DLST: variants seen among roughly 807,000 people sequenced by gnomAD.
DLST encodes the protein dihydrolipoyllysine-residue succinyltransferase component of 2-oxoglutarate dehydrogenase complex, mitochondrial.
DLST carries 17 observed loss-of-function variants against 53.1 expected under a neutral mutation model. The observed-to-expected ratio is 0.32, with a 90% confidence interval of 0.22 to 0.48. The LOEUF is 0.48. Ranked by LOEUF, DLST falls within the 20% of genes least tolerant of loss-of-function variation. DLST has a pLI of 0.99. For synonymous variants in DLST, 206 were observed against 204.8 expected, an observed-to-expected ratio of 1.01 and a Z score of -0.05; for missense variants, 512 against 583.9, an observed-to-expected ratio of 0.88 and a Z score of 1.27.
At chr14:74,896,664 A>T (rs977413528) in intron 10 of DLST, among the ~76,000 whole-genome samples, 1 of 152,194 alleles carries the variant, frequency 6.6e-6, no homozygotes, top group Non-Finnish European at 1.5e-5. Flanking sequence ...TGTTCATAGG[A>T]TGTAGGGGAA....
chr14:74,900,427 A>T, intron 13 of DLST, 55 bp downstream of exon 13: 1 of 1,528,376 alleles, frequency 6.5e-7, no homozygotes, highest in Non-Finnish European at 9.1e-7. Flanking sequence ...GAGAGCCTTC[A>T]GAAGGCTGGG....
chr14:74,899,787 C>T, intron 11 of DLST, 136 bp from the exon 12 acceptor site: 1 of 638,534 alleles, frequency 1.6e-6, no homozygotes, highest in Non-Finnish European at 2.8e-6. Context: ...ATGCATAATG[C>T]AGTGGTGTTC....
chr14:74,899,901 AC>A (rs1479913419), intron 11 of DLST, 21 bp from the exon 12 acceptor site: 8 of 1,591,176 alleles, frequency 5.0e-6, no homozygotes, highest in Non-Finnish European at 6.0e-6. Context: ...GTTGTATGTA[AC>A]ATGTATTTTC....
At chr14:74,890,500 G>T (rs965926182) in intron 6 of DLST, among the ~76,000 whole-genome samples, 1 of 152,134 alleles carries the variant, frequency 6.6e-6, no homozygotes, top group African/African-American at 2.4e-5. Context: ...TGGTGAGGGG[G>T]TGGGGAGGGT....
At chr14:74,893,302 G>A (rs1194255742) in intron 8 of DLST, 46 bp from the exon 9 acceptor site, 3 of 1,608,048 alleles carry the variant, frequency 1.9e-6, no homozygotes, top group South Asian at 1.1e-5. Flanking sequence ...CTCAGCAGAT[G>A]TTTCTTTCCT....
intron 11 of DLST, among the ~76,000 whole-genome samples, chr14:74,898,888 C>G (rs534950902): frequency 6.6e-6 from 1 of 152,334 alleles, no homozygotes; most frequent in Non-Finnish European, 1.5e-5. Context: ...CCTGGCTGAC[C>G]TTTGATCTTA....
At chr14:74,899,238 T>G (rs1240745384) in intron 11 of DLST, among the ~76,000 whole-genome samples, 1 of 151,992 alleles carries the variant, frequency 6.6e-6, no homozygotes, top group African/African-American at 2.4e-5. Context: ...TCTCATCTTT[T>G]TCAGTGGCCC....
intron 2 of DLST, among the ~76,000 whole-genome samples, chr14:74,884,759 T>G (rs1040447724): frequency 6.6e-6 from 1 of 152,178 alleles, no homozygotes; most frequent in Non-Finnish European, 1.5e-5. Flanking sequence ...CTTACCTATC[T>G]TGGGATGCTT....
At chr14:74,902,093 G>A in intron 14 of DLST, 103 bp from the exon 15 acceptor site, 1 of 1,255,126 alleles carries the variant, frequency 8.0e-7, no homozygotes, top group Non-Finnish European at 1.1e-6. Flanking sequence ...CAATAGGAAA[G>A]GCTCTGGAAT....
At chr14:74,897,440 CA>C (rs1181556448) in intron 10 of DLST, among the ~76,000 whole-genome samples, 2 of 152,090 alleles carry the variant, frequency 1.3e-5, no homozygotes, top group Non-Finnish European at 2.9e-5. Flanking sequence ...GTTTATGCAG[CA>C]AAGTGATGGG....
intron 2 of DLST, among the ~76,000 whole-genome samples, chr14:74,884,916 A>G (rs1268411523): frequency 6.6e-6 from 1 of 152,214 alleles, no homozygotes; most frequent in Non-Finnish European, 1.5e-5. Context: ...AGTTGGGGAA[A>G]TGCAGTTAAC....
chr14:74,888,269 T>C (rs1883775459), intron 3 of DLST, among the ~76,000 whole-genome samples: 1 of 143,536 alleles, frequency 7.0e-6, no homozygotes. Flanking sequence ...TTTTTTTGTT[T>C]TTGGGTTTTT....
intron 2 of DLST, among the ~76,000 whole-genome samples, chr14:74,884,658 G>C (rs1883642703): frequency 6.6e-6 from 1 of 152,176 alleles, no homozygotes; most frequent in African/African-American, 2.4e-5. Flanking sequence ...CCCAAAATCA[G>C]TGTGAGCCGC....
Position 74,899,975 on chromosome 14 carries a change from T to C in DLST, c.954T>C (p.Ser318=). The C allele has an allele frequency of 6.2e-7, 1 of 1,613,906 alleles. No homozygotes were observed. Residue 318 remains serine (S), a synonymous_variant, in exon 12 of 15, where the codon AGT becomes AGC. Transcript: ENST00000334220. ...EVVYRDYIDI[S]VAVATPRGLV... ...TGTATAGGGATTATATTGACATCAG[T>C]GTTGCAGTGGCCACCCCACGGGTAT...
intron 13 of DLST, 69 bp downstream of exon 13, chr14:74,900,441 A>C: frequency 2.1e-6 from 3 of 1,422,964 alleles, no homozygotes; most frequent in South Asian, 2.3e-5. Context: ...GGCTGGGCTC[A>C]CTAGCAAGCA....
intron 7 of DLST, 73 bp downstream of exon 7, chr14:74,891,240 A>G (rs1883896752): frequency 1.3e-6 from 2 of 1,599,272 alleles, no homozygotes; most frequent in Admixed American, 3.4e-5. Flanking sequence ...TAATGTGCTA[A>G]TTCCCCGATA....
intron 9 of DLST, among the ~76,000 whole-genome samples, chr14:74,893,996 T>C (rs1031880876): frequency 1.6e-4 from 25 of 152,232 alleles, no homozygotes; most frequent in Non-Finnish European, 2.8e-4. Context: ...CTTTTTCTTA[T>C]GATTCTTATG....
chr14:74,888,914 G>C (rs1252748891), intron 3 of DLST, among the ~76,000 whole-genome samples, 181 bp from the exon 4 acceptor site: 1 of 152,188 alleles, frequency 6.6e-6, no homozygotes. Context: ...TGCTGAGTCA[G>C]AATCCCTGGG....
intron 7 of DLST, chr14:74,892,001 G>C (rs1594876498): frequency 2.8e-6 from 1 of 361,178 alleles, no homozygotes; most frequent in East Asian, 1.6e-4. Flanking sequence ...TTCATTTAAA[G>C]TTGTGAGATT....
Sources: gnomAD v4.1 joint callset for allele counts (sites outside exome capture counted in the v4.1 genomes callset) on GRCh38, gnomAD v4.1.1 for gene constraint, MANE v1.5 for transcripts, NCBI Gene and HGNC (gene_info 2026-07-23, HGNC 2026-07-21) for gene names.